The following PLEC variants were observed in gnomAD, a reference collection of about 807,000 sequenced individuals.
PLEC encodes the protein hemidesmosomal protein 1.
Under a neutral mutation model 392.8 loss-of-function variants are expected in PLEC, and 216 were observed. That is an observed-to-expected ratio of 0.55 (90% CI 0.49 to 0.62). The LOEUF (loss-of-function observed/expected upper bound fraction) is 0.62, where lower values mean the gene tolerates loss of function less well. Among genes scored for constraint, PLEC ranks in the 20% least tolerant of loss-of-function variants. The probability of loss-of-function intolerance (pLI) is 0.00; values close to 1 mark genes in which losing one functional copy is unlikely to be tolerated. For missense variants in PLEC, 6,863 were observed against 6,563.4 expected (o/e 1.05, Z -1.58); for synonymous variants, 3,621 against 2,980.6 (o/e 1.21, Z -7.00).
intron 1 of PLEC, among the ~76,000 whole-genome samples, chr8:143,972,117 T>C (rs1292055647): frequency 5.3e-5 from 8 of 152,166 alleles, no homozygotes; most frequent in Non-Finnish European, 1.2e-4. Context: ...TCCTGCACAG[T>C]TCCCGCACTT....
intron 1 of PLEC, 90 bp from the exon 2 acceptor site, chr8:143,938,782 G>T: frequency 2.7e-6 from 3 of 1,119,878 alleles, no homozygotes; most frequent in Non-Finnish European, 4.1e-6. Flanking sequence ...AGCCTGGCTG[G>T]CCAGGTCCTG....
At position 143,920,922 on chromosome 8, in the gene PLEC, C is replaced by T; in HGVS notation, c.8899G>A (p.Glu2967Lys). The stretch of plus-strand genomic sequence containing the variant: ...TCAAAGCAAAGCCGGCCCTTCTGCT[C>T]CTGCTCCTCCACCACCGTGATGATG... ...KIIITVVEEQ[E>K]QKGRLCFEGL... The change falls in exon 32 of 32, where the codon GAG becomes AAG. Residue 2967 changes from glutamate (E) to lysine (K), a missense_variant. Coordinates refer to ENST00000345136, the MANE Select transcript of PLEC (RefSeq NM_201384.3). 6.2e-7 allele frequency: 1 copy of T among 1,612,768 alleles called. No homozygotes were observed. The highest frequency in any genetic ancestry group is 1.1e-5 in the South Asian group (1 of 91,084).
At chr8:143,968,927 C>T (rs1254009518) in intron 1 of PLEC, among the ~76,000 whole-genome samples, 3 of 152,232 alleles carry the variant, frequency 2.0e-5, no homozygotes, top group South Asian at 2.1e-4. Context: ...ATGGCACGCC[C>T]GCTTTAGGAA....
chr8:143,916,835 C>T lies in PLEC; in HGVS notation c.12986G>A (p.Arg4329His), dbSNP rs372622946. 22 of 1,612,870 alleles carry T rather than the reference C, an allele frequency of 1.4e-5. No homozygotes were observed. Among genetic ancestry groups the T allele is most frequent in the South Asian group, 9.9e-5 (9 of 91,084 alleles). Residue 4329 changes from arginine (R) to histidine (H), a missense_variant, in exon 32 of 32, where the codon CGC (arginine) becomes CAC (histidine). Physicochemically the swap from Arg to His is conservative, Grantham distance 29 (BLOSUM62 0). Coordinates refer to ENST00000345136, the MANE Select transcript of PLEC (RefSeq NM_201384.3). ...GGIIDPSTGERFPVTDAVNKG... is the reference protein window; with the variant it reads ...GGIIDPSTGEHFPVTDAVNKG... ...GTTGACGGCGTCGGTGACAGGGAAG[C>T]GCTCACCGGTGCTGGGGTCGATGAT...
In PLEC at chr8:143,973,283, C is replaced by T. The variant is rs1833525047; in HGVS notation, c.70+120G>A. On this transcript the variant is annotated intron_variant, in intron 1 of 31. Coordinates refer to the PLEC transcript ENST00000356346. This position sits in a 1 kb window ranked among gnomAD's most constrained non-coding sequence, Gnocchi z 5.6. ...AGCCGTTGGGGGCGATCCAGGCGGA[C>T]GAGGCCGGCGGAGTGGCCGCGCTCG... is the stretch of plus-strand genomic sequence containing the variant. 2.4e-6 allele frequency: 3 copies of T among 1,273,316 alleles called. No homozygotes were observed. Among genetic ancestry groups the T allele is most frequent in the South Asian group, 1.3e-5 (1 of 75,250 alleles). The allele number at this position is 1,273,316 out of a possible 1,614,324, so 78.9% of individuals were successfully genotyped here.
intron 1 of PLEC, among the ~76,000 whole-genome samples, chr8:143,970,175 G>C (rs782289745): frequency 9.2e-5 from 14 of 152,130 alleles, no homozygotes; most frequent in Non-Finnish European, 1.5e-5. Context: ...GGGTGAGTGG[G>C]TGATGGCGTA....
chr8:143,943,786 G>A (rs373655612), upstream of PLEC: 30 of 1,611,486 alleles, frequency 1.9e-5, no homozygotes, highest in Middle Eastern at 3.3e-4. Context: ...TACCTTGCTC[G>A]TCCTGCGCCC....
upstream of PLEC, among the ~76,000 whole-genome samples, chr8:143,976,147 C>A (rs1554745985): frequency 1.3e-5 from 2 of 152,358 alleles, no homozygotes; most frequent in East Asian, 3.9e-4. Flanking sequence ...TGCAGCGAGG[C>A]CGGGAGGGAG....
chr8:143,972,663 G>C lies in PLEC; in HGVS notation c.70+740C>G, dbSNP rs59616544. 5.1e-3 allele frequency among the ~76,000 whole-genome samples: 779 copies of C among 152,316 alleles called. 5 individuals carry two copies. The highest frequency in any genetic ancestry group is 0.018 in the African/African-American group (745 of 41,562). On this transcript the variant is annotated intron_variant, in intron 1 of 31. Coordinates refer to the PLEC transcript ENST00000356346. ...CCTTGCTCCTAAGCCTCTGCAGGCC[G>C]GCAGCCAATGCTGTGTCCACAACCG...
rs1156329995 is a variant in PLEC at position 143,973,502 on chromosome 8, G to A, written c.-30C>T. 8 of 1,474,992 alleles carry A rather than the reference G, an allele frequency of 5.4e-6. No individual in the cohort carries two copies. Among genetic ancestry groups the A allele is most frequent in the African/African-American group, 3.0e-5 (2 of 67,442 alleles). 91.4% of individuals were successfully genotyped at this position (1,474,992 alleles called of 1,614,324 possible). A position where few individuals can be genotyped will look rare whatever the true frequency, so the allele number is the denominator to read the frequency against. On this transcript the variant is annotated 5_prime_UTR_variant, in exon 1 of 32. Transcript: ENST00000356346. This position sits in a 1 kb window ranked among gnomAD's most constrained non-coding sequence, Gnocchi z 5.6. The stretch of plus-strand genomic sequence containing the variant: ...GCGGGCGCGGGGCGCGGGGTGCAGC[G>A]GAGCCTCCAGCACCCGGCGGCCACT...
intron 1 of PLEC, among the ~76,000 whole-genome samples, chr8:143,968,319 G>A (rs1833222048): frequency 6.6e-6 from 1 of 151,910 alleles, no homozygotes; most frequent in African/African-American, 2.4e-5. Flanking sequence ...GCCAGGTGAG[G>A]TGGCTCACGC....
chr8:143,917,051 GGGTA>G lies in PLEC; in HGVS notation c.12766_12769del (p.Tyr4256ProfsTer118). 6.2e-7 allele frequency: 1 copy of G among 1,608,698 alleles called. No homozygotes were observed. The highest frequency in any genetic ancestry group is 8.5e-7 in the Non-Finnish European group (1 of 1,176,410). On this transcript the variant is annotated frameshift_variant, in exon 32 of 32. Transcript: ENST00000345136. LOFTEE classifies it high-confidence loss of function. ...GGTCCTGGAGACGGCGGGGCTGATGGGGTAGGAGGAGGAGGATCCCACCGAGGAG... is the reference window on the plus strand; with the variant it reads ...GGTCCTGGAGACGGCGGGGCTGATGGGGAGGAGGAGGATCCCACCGAGGAG...
At chr8:143,922,462 T>A in intron 31 of PLEC, 42 bp downstream of exon 31, 3 of 1,601,504 alleles carry the variant, frequency 1.9e-6, no homozygotes, top group East Asian at 2.2e-5. Flanking sequence ...CCAAAGCAGA[T>A]CCCCGGGCCC....
In PLEC at chr8:143,916,196, G is replaced by A. The variant is rs1554668185; in HGVS notation, c.13625C>T (p.Pro4542Leu). Residue 4542 changes from proline to leucine, a missense_variant, in exon 32 of 32, where the codon CCT (proline) becomes CTT (leucine). Transcript: ENST00000345136. ...GCAGCCTCAGGCCACGGCAGACTCA[G>A]GGCCCCCCAGGGAGGCCGAGGACCC... ...ASGSSASLGGPESAVA is the reference protein window; with the variant it reads ...ASGSSASLGGLESAVA 1.3e-6 allele frequency: 2 copies of A among 1,542,604 alleles called. No homozygotes were observed. Among genetic ancestry groups the A allele is most frequent in the South Asian group, 1.2e-5 (1 of 83,912 alleles).
chr8:143,923,480 G>A lies in PLEC; in HGVS notation c.6449C>T (p.Ala2150Val), dbSNP rs782808187. 6.2e-7 allele frequency: 1 copy of A among 1,600,596 alleles called. No individual in the cohort carries two copies. The highest frequency in any genetic ancestry group is 1.1e-5 in the South Asian group (1 of 90,622). ...CCGCAGGGCCGCCTGCTCCGCCTGT[G>A]CCCGCCGCGCCGCCTCTTGCTCGGC... ...KEAEQEAARR[A>V]QAEQAALRQK... Residue 2150 changes from alanine to valine, a missense_variant, in exon 31 of 32, where the codon GCA becomes GTA. Ala to Val is a moderately conservative substitution (Grantham distance 64). Transcript: ENST00000345136.
chr8:143,934,219 TG>T, intron 11 of PLEC, 98 bp downstream of exon 11: 1 of 1,596,460 alleles, frequency 6.3e-7, no homozygotes, highest in Admixed American at 1.7e-5. Context: ...AGTGGGAGCT[TG>T]GGTTCCCCCG....
upstream of PLEC, chr8:143,975,261 G>T (rs971486350): frequency 6.2e-7 from 1 of 1,609,056 alleles, no homozygotes; most frequent in Non-Finnish European, 8.5e-7. This position sits in a 1 kb window ranked among gnomAD's most constrained non-coding sequence, Gnocchi z 9.9. Flanking sequence ...CGGCTCCGCT[G>T]CGTTTTCCCA....
intron 1 of PLEC, chr8:143,945,358 C>T (rs1831307265): frequency 5.7e-6 from 2 of 350,070 alleles, no homozygotes; most frequent in East Asian, 9.6e-5. Context: ...CCAGGAGTCC[C>T]GAAGCCCTGC....
At position 143,922,212 on chromosome 8, in the gene PLEC, G is replaced by C. The variant is rs1376260084; in HGVS notation, c.7609C>G (p.Gln2537Glu). 1.3e-6 allele frequency: 2 copies of C among 1,559,972 alleles called. No individual in the cohort carries two copies. The highest frequency in any genetic ancestry group is 1.7e-6 in the Non-Finnish European group (2 of 1,156,228). Residue 2537 changes from glutamine (Q) to glutamate (E), a missense_variant, in exon 32 of 32, where the codon CAG (glutamine) becomes GAG (glutamate). By Grantham distance (29) the Gln-to-Glu change is conservative. Transcript: ENST00000345136. ...CGTTCCTGCTCCATCTGCTGCTGCT[G>C]CCGCTGCTGCTCCTCACGCAGCTGC... is the stretch of plus-strand genomic sequence containing the variant. ...AQQLREEQQR[Q>E]QQQMEQERQR...
Sources: allele counts gnomAD v4.1 joint callset (sites outside exome capture counted in the v4.1 genomes callset), GRCh38; gene constraint gnomAD v4.1.1; non-coding constraint Gnocchi (gnomAD v3.1); transcripts MANE v1.5; gene names NCBI Gene and HGNC (gene_info 2026-07-23, HGNC 2026-07-21).